The following COL4A6 variants were observed in gnomAD, a reference collection of about 807,000 sequenced individuals.
COL4A6 encodes the protein collagen type IV alpha 6 chain, also known as collagen alpha-6(IV) chain.
A neutral mutation model predicts 126.7 loss-of-function variants in COL4A6; 59 were observed. The ratio of observed to expected loss-of-function variants is 0.47; its 90% CI spans 0.38 to 0.58. The LOEUF is 0.58. Ranked by LOEUF, COL4A6 falls within the 20% of genes least tolerant of loss-of-function variation. The pLI, the probability that COL4A6 is intolerant of heterozygous loss-of-function variation, is 0.00. For missense variants in COL4A6, 1,285 were observed against 1,337.3 expected, an observed-to-expected ratio of 0.96 and a Z score of 0.61; for synonymous variants, 547 against 496.6, an observed-to-expected ratio of 1.10 and a Z score of -1.35.
intron 2 of COL4A6, among the ~76,000 whole-genome samples, chrX:108,322,687 T>G (rs1239901955): frequency 8.9e-6 from 1 of 112,054 alleles, no homozygotes; most frequent in Admixed American, 9.5e-5. Flanking sequence ...CCTCTGTTAG[T>G]AAGAATTTAC....
intron 3 of COL4A6, among the ~76,000 whole-genome samples, chrX:108,290,978 C>T (rs1456670819): frequency 1.8e-5 from 2 of 112,401 alleles, no homozygotes; most frequent in Non-Finnish European, 3.8e-5. Flanking sequence ...GTGACCAATT[C>T]ATTCCAGTTT....
chrX:108,318,779 C>T (rs1289810519), intron 2 of COL4A6, among the ~76,000 whole-genome samples: 9 of 112,268 alleles, frequency 8.0e-5, no homozygotes, highest in Non-Finnish European at 3.8e-5. Context: ...GAATCAATAT[C>T]GTGAAAACGG....
At chrX:108,224,933 T>C (rs2036123062) in intron 3 of COL4A6, among the ~76,000 whole-genome samples, 2 of 108,313 alleles carry the variant, frequency 1.8e-5, no homozygotes, top group African/African-American at 6.8e-5. Flanking sequence ...GGTGGGCCTC[T>C]CCCTCTACAG....
At chrX:108,253,870 C>T (rs2036922219) in intron 3 of COL4A6, among the ~76,000 whole-genome samples, 1 of 111,748 alleles carries the variant, frequency 8.9e-6, no homozygotes, top group Admixed American at 9.5e-5. Flanking sequence ...TAGCCCATTA[C>T]TTTATTAAGG....
intron 2 of COL4A6, among the ~76,000 whole-genome samples, chrX:108,388,181 T>G (rs781362441): frequency 1.5e-4 from 17 of 111,741 alleles, no homozygotes; most frequent in Non-Finnish European, 3.8e-5. Context: ...AATTTTCTTT[T>G]TTTGTTGTGT....
chrX:108,237,650 G>A (rs1419244487), intron 3 of COL4A6, among the ~76,000 whole-genome samples: 1 of 111,818 alleles, frequency 8.9e-6, no homozygotes, highest in Admixed American at 9.5e-5. Flanking sequence ...GCTATAAAGA[G>A]CCAAGTTAAT....
intron 3 of COL4A6, among the ~76,000 whole-genome samples, chrX:108,251,692 A>G (rs897781557): frequency 1.8e-5 from 2 of 111,984 alleles, no homozygotes; most frequent in African/African-American, 6.5e-5. Flanking sequence ...AACAAAAGTA[A>G]TGTTATAGAG....
intron 3 of COL4A6, among the ~76,000 whole-genome samples, chrX:108,241,265 T>A (rs909952662): frequency 3.6e-5 from 4 of 110,241 alleles, no homozygotes; most frequent in African/African-American, 9.9e-5. Context: ...GATGGTACCA[T>A]AGAATGCTCA....
intron 3 of COL4A6, among the ~76,000 whole-genome samples, chrX:108,244,706 G>T (rs766535725): frequency 4.5e-5 from 5 of 111,629 alleles, no homozygotes; most frequent in African/African-American, 1.6e-4. Flanking sequence ...TAAGCTTTAG[G>T]TTGGTTCAAC....
chrX:108,175,043 T>C, intron 30 of COL4A6, 47 bp downstream of exon 30: 8 of 1,132,045 alleles, frequency 7.1e-6, no homozygotes, highest in Non-Finnish European at 9.3e-6. Flanking sequence ...AGTTTGGTTA[T>C]GAAGCCTCTC....
At chrX:108,381,439 T>C (rs760922598) in intron 2 of COL4A6, among the ~76,000 whole-genome samples, 4 of 112,399 alleles carry the variant, frequency 3.6e-5, no homozygotes, top group Non-Finnish European at 5.6e-5. Context: ...GATGTCTACA[T>C]GTTGAAAACA....
intron 2 of COL4A6, among the ~76,000 whole-genome samples, chrX:108,402,376 T>TATTG (rs111252596): frequency 1.2e-3 from 129 of 111,556 alleles, no homozygotes; most frequent in African/African-American, 3.9e-3. Context: ...TAATAGCTGA[T>TATTG]ATTATTTGCG....
chrX:108,430,448 T>C (rs1179872620), intron 2 of COL4A6, among the ~76,000 whole-genome samples: 2 of 111,855 alleles, frequency 1.8e-5, no homozygotes, highest in African/African-American at 6.5e-5. Flanking sequence ...GTATGCATTT[T>C]ATCCTGGAAG....
In COL4A6 at chrX:108,163,490, G is replaced by C. The variant is rs746200916; in HGVS notation, c.4070-452C>G. 62 of 117,447 alleles carry C rather than the reference G, an allele frequency of 5.3e-4. 1 individual carries two copies. The highest frequency in any genetic ancestry group is 2.5e-3 in the South Asian group (7 of 2,838). The allele number at this position is 117,447 out of a possible 1,213,427, so 9.7% of individuals were successfully genotyped here. A position where few individuals can be genotyped will look rare whatever the true frequency, so the allele number is the denominator to read the frequency against. On this transcript the variant is annotated intron_variant, in intron 40 of 44. Transcript: ENST00000334504. Reference sequence around the variant, plus strand: ...GCGCCAGCCAGCTGCCTTTCTAATAGCATAATTTGCTTAGTAAGTCATTGA... The same window carrying C: ...GCGCCAGCCAGCTGCCTTTCTAATACCATAATTTGCTTAGTAAGTCATTGA...
chrX:108,279,149 C>A (rs1483878156), intron 3 of COL4A6, among the ~76,000 whole-genome samples: 1 of 111,796 alleles, frequency 8.9e-6, no homozygotes, highest in African/African-American at 3.3e-5. Flanking sequence ...ACAATATTAA[C>A]CTTAAATGTA....
intron 3 of COL4A6, among the ~76,000 whole-genome samples, chrX:108,265,390 G>C (rs1602958434): frequency 9.6e-6 from 1 of 103,890 alleles, no homozygotes; most frequent in African/African-American, 3.5e-5. Flanking sequence ...CACCTATTCA[G>C]TTTTTTTTTT....
intron 7 of COL4A6, among the ~76,000 whole-genome samples, chrX:108,210,756 G>C (rs2035679171): frequency 9.0e-6 from 1 of 111,670 alleles, no homozygotes; most frequent in South Asian, 3.8e-4. Flanking sequence ...TTTTCTATCT[G>C]TAAAATGAGC....
Position 108,156,361 on chromosome X carries a change from A to C in COL4A6, c.*639T>G, listed in dbSNP as rs1297047602. 9.0e-6 allele frequency: 1 copy of C among 111,059 alleles called. No individual in the cohort carries two copies. The highest frequency in any genetic ancestry group is 2.8e-4 in the East Asian group (1 of 3,512). The allele number at this position is 111,059 out of a possible 1,213,427, so 9.2% of individuals were successfully genotyped here. ...GGACCATATGCCATTAATGACCACC[A>C]CCCCCAACCCAGCTGCTGGCCTTCA... On this transcript the variant is annotated 3_prime_UTR_variant, in exon 45 of 45. Transcript: ENST00000334504.
Position 108,176,944 on chromosome X carries a change from C to T in COL4A6, c.2583G>A (p.Leu861=). ...TTCCAGGAAGGCCTTTTAGCCCTGGCAGCCCTTTCTTTACAATTGATCCAG... is the reference window on the plus strand; with the variant it reads ...TTCCAGGAAGGCCTTTTAGCCCTGGTAGCCCTTTCTTTACAATTGATCCAG... ...GPPGSIVKKG[L]PGLKGLPGNP... is the part of the protein sequence containing the mutation. The change falls in exon 28 of 45, where the codon CTG becomes CTA. Residue 861 remains leucine (L), a synonymous_variant. Coordinates refer to ENST00000334504, the MANE Select transcript of COL4A6 (RefSeq NM_033641.4). The T allele has an allele frequency of 8.3e-7, 1 of 1,211,666 alleles. No individual in the cohort carries two copies. Among genetic ancestry groups the T allele is most frequent in the Non-Finnish European group, 1.1e-6 (1 of 895,267 alleles).
Sources: allele counts gnomAD v4.1 joint callset (sites outside exome capture counted in the v4.1 genomes callset), GRCh38; gene constraint gnomAD v4.1.1; transcripts MANE v1.5; gene names NCBI Gene and HGNC (gene_info 2026-07-23, HGNC 2026-07-21).